P4HTM: variants seen among roughly 807,000 people sequenced by gnomAD.
P4HTM encodes transmembrane prolyl 4-hydroxylase.
Under a neutral mutation model 55.3 loss-of-function variants are expected in P4HTM, and 33 were observed. The observed-to-expected ratio is 0.60, with a 90% CI of 0.45 to 0.80. The LOEUF is 0.80. Among genes scored for constraint, P4HTM ranks in the 30% least tolerant of loss-of-function variants. P4HTM has a pLI of 0.00. For missense variants in P4HTM, 542 were observed against 696.5 expected (o/e 0.78, Z 2.50); for synonymous variants, 272 against 286.4 (o/e 0.95, Z 0.51).
At chr3:49,005,328 C>A (rs2092974062) in intron 6 of P4HTM, 18 of 1,430,900 alleles carry the variant, frequency 1.3e-5, no homozygotes, top group Non-Finnish European at 1.6e-5. Flanking sequence ...AAGGCTGGGC[C>A]CCTAGCTTGT....
chr3:48,990,304 C>G lies in P4HTM; in HGVS notation c.48C>G (p.Ala16=). The change falls in exon 1 of 9, where the codon GCC becomes GCG. Residue 16 remains alanine, a synonymous_variant. Coordinates refer to ENST00000383729, the MANE Select transcript of P4HTM (RefSeq NM_177939.3). This position sits in a 1 kb window ranked among gnomAD's most constrained non-coding sequence, Gnocchi z 7.2. ...VTGQRPETAA[A]EEASRPQWAP... ...GCCAGCGGCCTGAGACCGCGGCGGC[C>G]GAGGAGGCCTCGAGGCCGCAGTGGG... 1 of 1,348,118 alleles carries G rather than the reference C, an allele frequency of 7.4e-7. No individual in the cohort carries two copies. The highest frequency in any genetic ancestry group is 3.1e-5 in the East Asian group (1 of 32,118). The allele number at this position is 1,348,118 out of a possible 1,614,324, so 83.5% of individuals were successfully genotyped here. A position where few individuals can be genotyped will look rare whatever the true frequency, so the allele number is the denominator to read the frequency against.
intron 2 of P4HTM, among the ~76,000 whole-genome samples, chr3:48,994,044 C>A (rs997123120): frequency 1.3e-5 from 2 of 152,052 alleles, no homozygotes; most frequent in Admixed American, 1.3e-4. Flanking sequence ...TCAATGATTA[C>A]AGGAAGTCCA....
intron 5 of P4HTM, 102 bp from the exon 6 acceptor site, chr3:49,004,759 G>A: frequency 1.6e-6 from 2 of 1,231,868 alleles, no homozygotes; most frequent in Non-Finnish European, 2.3e-6. Context: ...GGGGAGGTGG[G>A]TAGGGGCAAA....
At chr3:48,991,111 C>A (rs1029716779) in intron 2 of P4HTM, 197 bp downstream of exon 2, 2 of 568,246 alleles carry the variant, frequency 3.5e-6, no homozygotes, top group African/African-American at 3.8e-5. Flanking sequence ...CCCTGCAGTC[C>A]ATTCTTCCAT....
rs747577202 is a variant in P4HTM, at chr3:48,990,812, C to T, written c.355-21C>T. 5.6e-6 allele frequency: 9 copies of T among 1,609,246 alleles called. No individual in the cohort carries two copies. In the Admixed American group the frequency reaches 1.3e-4, roughly 24 times the overall value. On this transcript the variant is annotated intron_variant, in intron 1 of 8. Transcript: ENST00000383729. This position sits in a 1 kb window ranked among gnomAD's most constrained non-coding sequence, Gnocchi z 7.2. ...AGCGCGGTCTGGCGCCCCAGCTGCC[C>T]GCTGTGCGCCTTTTCCTTAGGTGGG...
upstream of P4HTM, chr3:48,990,165 C>A (rs2092926107): frequency 9.4e-7 from 1 of 1,058,516 alleles, no homozygotes; most frequent in Non-Finnish European, 1.1e-6. This position sits in a 1 kb window ranked among gnomAD's most constrained non-coding sequence, Gnocchi z 7.2. Context: ...GTGACCGCGG[C>A]GCTCGCGGGC....
At chr3:48,994,625 G>C (rs2092940243) in intron 2 of P4HTM, among the ~76,000 whole-genome samples, 1 of 152,100 alleles carries the variant, frequency 6.6e-6, no homozygotes, top group South Asian at 2.1e-4. Flanking sequence ...GGTGTCAGCT[G>C]AGGGCACCAT....
chr3:49,005,500 G>C, intron 6 of P4HTM: 1 of 1,339,542 alleles, frequency 7.5e-7, no homozygotes, highest in Admixed American at 3.6e-5. Context: ...GCTTCTGCTA[G>C]CCTACCTTTC....
intron 2 of P4HTM, among the ~76,000 whole-genome samples, chr3:49,000,551 T>G (rs561016779): frequency 6.6e-6 from 1 of 152,282 alleles, no homozygotes; most frequent in Non-Finnish European, 1.5e-5. Context: ...CTCTGCGTGC[T>G]TCTTGTCCTC....
At chr3:49,005,529 A>G (rs2092975267) in intron 6 of P4HTM, 1 of 1,352,976 alleles carries the variant, frequency 7.4e-7, no homozygotes, top group Non-Finnish European at 9.5e-7. Context: ...GCCCTTGCTC[A>G]GGGCCATGGC....
chr3:49,003,902 C>A (rs986731646), intron 4 of P4HTM, 196 bp from the exon 5 acceptor site: 6 of 579,274 alleles, frequency 1.0e-5, no homozygotes, highest in Non-Finnish European at 1.5e-5. Flanking sequence ...TGCTCTGGGT[C>A]TTCCTGTAAG....
Position 49,005,041 on chromosome 3 carries a change from C to T in P4HTM, c.1068C>T (p.Ser356=). ...VANESVPFET[S]CRYMTVLFYL... ...ACGAGTCTGTACCCTTCGAGACCTC[C>T]TGCCGGCAAGTATCTCCCAACTGGG... is the stretch of plus-strand genomic sequence containing the variant. Residue 356 remains serine, a synonymous_variant, in exon 6 of 9, where the codon TCC becomes TCT. Coordinates refer to ENST00000383729, the MANE Select transcript of P4HTM (RefSeq NM_177939.3). 1 of 1,614,102 alleles carries T rather than the reference C, an allele frequency of 6.2e-7. No individual in the cohort carries two copies.
In P4HTM at chr3:49,004,133, C is replaced by T. The variant is rs892931995; in HGVS notation, c.760C>T (p.Leu254Phe). The T allele has an allele frequency of 3.9e-6, 6 of 1,554,518 alleles. No individual in the cohort carries two copies. In the African/African-American group the frequency reaches 5.5e-5, roughly 14 times the overall value. The change falls in exon 5 of 9, where the codon CTT (leucine) becomes TTT (phenylalanine). Residue 254 changes from leucine to phenylalanine, a missense_variant. Leu to Phe is a conservative substitution (Grantham distance 22, BLOSUM62 0). Coordinates refer to ENST00000383729, the MANE Select transcript of P4HTM (RefSeq NM_177939.3). ...LSLQEFSNMD[L>F]RDFHKYMRSH... The stretch of plus-strand genomic sequence containing the variant: ...TCTGCAGGAGTTCTCCAACATGGAC[C>T]TTCGGGACTTCCACAAGTACATGAG...
Position 48,990,600 on chromosome 3 carries a change from A to T in P4HTM, c.344A>T (p.Glu115Val). Residue 115 changes from glutamate (E) to valine (V), a missense_variant, in exon 1 of 9, where the codon GAG (glutamate) becomes GTG (valine). Glu to Val is a moderately radical substitution (Grantham distance 121). This residue lies in a region of P4HTM where 536 missense variants were observed against 672.1 expected (regional missense o/e 0.80). Coordinates refer to ENST00000383729, the MANE Select transcript of P4HTM (RefSeq NM_177939.3). The surrounding 1 kb of genome is among the most constrained non-coding windows in gnomAD (Gnocchi z 7.2). ...ACCTTAGGTCCCCTCACCCGGCTGG[A>T]GGGCATCAAGGTGAGGACCTCCCTG... is the stretch of plus-strand genomic sequence containing the variant. ...EPTLGPLTRL[E>V]GIKVGHERKV... 1 of 1,585,126 alleles carries T rather than the reference A, an allele frequency of 6.3e-7. No homozygotes were observed. Among genetic ancestry groups the T allele is most frequent in the Non-Finnish European group, 8.6e-7 (1 of 1,165,954 alleles).
At chr3:49,005,938 AG>A in intron 7 of P4HTM, 71 bp downstream of exon 7, 1 of 1,533,310 alleles carries the variant, frequency 6.5e-7, no homozygotes, top group Non-Finnish European at 8.8e-7. Context: ...ACACCTCTCC[AG>A]GTCTAAGGAT....
rs1294776037 is a variant in P4HTM at position 48,990,761 on chromosome 3, C to G, written c.355-72C>G. 23 of 1,543,500 alleles carry G rather than the reference C, an allele frequency of 1.5e-5. No individual in the cohort carries two copies. The highest frequency in any genetic ancestry group is 1.0e-4 in the South Asian group (9 of 87,790). On this transcript the variant is annotated intron_variant, in intron 1 of 8. Transcript: ENST00000383729. This position sits in a 1 kb window ranked among gnomAD's most constrained non-coding sequence, Gnocchi z 7.2. The stretch of plus-strand genomic sequence containing the variant: ...CACTCGCCTGCTGTCGCTCTCCGGG[C>G]CGGGGCGACTTGGCCCTTCTTGGGC...
rs185395397 is a variant in P4HTM at position 49,004,244 on chromosome 3, C to G, written c.871C>G (p.Arg291Gly). The G allele has an allele frequency of 5.2e-5, 81 of 1,547,826 alleles. No individual in the cohort carries two copies. Among genetic ancestry groups the G allele is most frequent in the Non-Finnish European group, 6.2e-5 (71 of 1,146,334 alleles). Residue 291 changes from arginine (R) to glycine (G), a missense_variant, in exon 5 of 9, where the codon CGT (arginine) becomes GGT (glycine). By Grantham distance (125) the Arg-to-Gly change is moderately radical. This residue lies in a region of P4HTM where 536 missense variants were observed against 672.1 expected (regional missense o/e 0.80). Coordinates refer to ENST00000383729, the MANE Select transcript of P4HTM (RefSeq NM_177939.3). ...GGGTGAGGGTGCCCACCACATCATG[C>G]GTGCCATCCGCCAGAGGTGAGCACC... Reference protein sequence around the residue: ...YQGEGAHHIMRAIRQRVLRLT... With the variant: ...YQGEGAHHIMGAIRQRVLRLT...
rs144279528 is a variant in P4HTM at position 49,005,859 on chromosome 3, G to A, written c.1156G>A (p.Asp386Asn). The stretch of plus-strand genomic sequence containing the variant: ...CCCTGTAGCAGATAACAGAACCTAC[G>A]ATGAAATGGTAAGGGTCAACTGGGC... ...VFPVADNRTY[D>N]EMSLIQDDVD... is the part of the protein sequence containing the mutation. Residue 386 changes from aspartate (D) to asparagine (N), a missense_variant, in exon 7 of 9, where the codon GAT becomes AAT. By Grantham distance (23) the Asp-to-Asn change is conservative. Transcript: ENST00000383729. 58 of 1,548,454 alleles carry A rather than the reference G, an allele frequency of 3.7e-5. No homozygotes were observed. The East Asian group carries it at 6.3e-4, about 17-fold the overall frequency.
chr3:48,993,859 C>CAAAA (rs60867672), intron 2 of P4HTM, among the ~76,000 whole-genome samples: 47 of 43,646 alleles, frequency 1.1e-3, no homozygotes, highest in African/African-American at 2.1e-3. Context: ...GACTCCATCA[C>CAAAA]AAAAAAAAAA....
Sources: gnomAD v4.1 joint callset for allele counts (sites outside exome capture counted in the v4.1 genomes callset) on GRCh38, gnomAD v4.1.1 for gene constraint, gnomAD v4.1.1 regional missense constraint, Gnocchi (gnomAD v3.1) non-coding constraint, MANE v1.5 for transcripts, NCBI Gene and HGNC (gene_info 2026-07-23, HGNC 2026-07-21) for gene names.